The following MKLN1 variants were observed in gnomAD, a reference collection of about 807,000 sequenced individuals.
MKLN1 encodes muskelin 1, also known as muskelin.
In MKLN1, 18 loss-of-function variants were observed where a neutral mutation model predicts 99.0. The ratio of observed to expected loss-of-function variants is 0.18; its 90% CI spans 0.13 to 0.27. The LOEUF (loss-of-function observed/expected upper bound fraction) is 0.27. Among genes scored for constraint, MKLN1 ranks in the 10% least tolerant of loss-of-function variants. The probability of loss-of-function intolerance (pLI) is 1.00; values close to 1 mark genes in which losing one functional copy is unlikely to be tolerated. For missense variants in MKLN1, 621 were observed against 875.9 expected, an observed-to-expected ratio of 0.71 and a Z score of 3.67; for synonymous variants, 288 against 293.2, an observed-to-expected ratio of 0.98 and a Z score of 0.18.
At chr7:131,255,291 AG>A (rs1463578395) in intron 3 of MKLN1, among the ~76,000 whole-genome samples, 1 of 152,178 alleles carries the variant, frequency 6.6e-6, no homozygotes, top group Non-Finnish European at 1.5e-5. Context: ...AAGAAGTTCA[AG>A]TAACTCCAAA....
At chr7:131,245,977 G>A (rs7797598) in intron 3 of MKLN1, among the ~76,000 whole-genome samples, 1 of 152,160 alleles carries the variant, frequency 6.6e-6, no homozygotes, top group African/African-American at 2.4e-5. Context: ...CTGTGCACCT[G>A]TGATGGTCAA....
At chr7:131,331,658 TA>T (rs1379578424) in intron 1 of MKLN1, among the ~76,000 whole-genome samples, 1 of 152,174 alleles carries the variant, frequency 6.6e-6, no homozygotes, top group African/African-American at 2.4e-5. Context: ...ATGTAGGTGA[TA>T]AGGTTCTCAT....
intron 2 of MKLN1, among the ~76,000 whole-genome samples, chr7:131,177,105 C>T (rs1796309921): frequency 6.6e-6 from 1 of 152,182 alleles, no homozygotes; most frequent in African/African-American, 2.4e-5. Context: ...TTTCCAGCAT[C>T]TTTCTTTTGT....
At chr7:131,349,889 G>A (rs372706178) in intron 1 of MKLN1, among the ~76,000 whole-genome samples, 3 of 152,080 alleles carry the variant, frequency 2.0e-5, no homozygotes, top group Admixed American at 6.5e-5. Flanking sequence ...CCTAGTGGTC[G>A]CTCCATTCAT....
chr7:131,416,717 C>T (rs900819074), intron 8 of MKLN1, among the ~76,000 whole-genome samples: 2 of 151,878 alleles, frequency 1.3e-5, no homozygotes, highest in Admixed American at 1.3e-4. Flanking sequence ...GTGACTGTCT[C>T]GTGACTGTAG....
chr7:131,390,413 A>G (rs1031660154), intron 4 of MKLN1, among the ~76,000 whole-genome samples: 3 of 152,090 alleles, frequency 2.0e-5, no homozygotes, highest in African/African-American at 7.2e-5. Flanking sequence ...TAACAATTTT[A>G]TGATTTTATG....
Position 131,257,226 on chromosome 7 carries a change from A to C in MKLN1, c.-179+54252A>C, listed in dbSNP as rs180934284. Among the ~76,000 whole-genome samples, 3 of 152,304 alleles carry C rather than the reference A, an allele frequency of 2.0e-5. No individual in the cohort carries two copies. The East Asian group carries it at 5.8e-4, about 29-fold the overall frequency. On this transcript the variant is annotated intron_variant, in intron 3 of 7. Coordinates refer to the MKLN1 transcript ENST00000416992. ...AGGATATACTTATTCTAGATTATAG[A>C]ACATGCCTTAATACATTTAAAAGAT...
At chr7:131,396,251 T>G (rs1794356634) in intron 4 of MKLN1, among the ~76,000 whole-genome samples, 2 of 152,230 alleles carry the variant, frequency 1.3e-5, no homozygotes, top group South Asian at 4.1e-4. Context: ...TTTTCTATTT[T>G]TAGTGGAGAC....
intron 2 of MKLN1, among the ~76,000 whole-genome samples, chr7:131,195,387 T>G (rs1397958246): frequency 6.6e-6 from 1 of 151,928 alleles, no homozygotes; most frequent in Non-Finnish European, 1.5e-5. Context: ...GGCACGTGCC[T>G]GTAATCCCAG....
At chr7:131,363,493 C>T (rs112510660) in intron 1 of MKLN1, among the ~76,000 whole-genome samples, 1 of 151,994 alleles carries the variant, frequency 6.6e-6, no homozygotes, top group South Asian at 2.1e-4. Context: ...TAGGATACTT[C>T]TACAGTCCTC....
At chr7:131,316,823 A>G (rs944887478) in intron 3 of MKLN1, among the ~76,000 whole-genome samples, 2 of 152,190 alleles carry the variant, frequency 1.3e-5, no homozygotes, top group Non-Finnish European at 2.9e-5. Context: ...ACAAGTATCA[A>G]TAGCTGAAAC....
At chr7:131,144,781 C>T (rs1795793315) in intron 2 of MKLN1, among the ~76,000 whole-genome samples, 1 of 151,982 alleles carries the variant, frequency 6.6e-6, no homozygotes, top group African/African-American at 2.4e-5. Context: ...AGTTCAAGAC[C>T]AGCCTGACCA....
At chr7:131,445,090 A>G (rs1359531087) in intron 11 of MKLN1, among the ~76,000 whole-genome samples, 1 of 152,202 alleles carries the variant, frequency 6.6e-6, no homozygotes, top group Non-Finnish European at 1.5e-5. Context: ...TTTTCTGTTT[A>G]GGATTTAGAC....
At chr7:131,162,534 T>C (rs1367101643) in intron 2 of MKLN1, among the ~76,000 whole-genome samples, 2 of 152,182 alleles carry the variant, frequency 1.3e-5, no homozygotes, top group African/African-American at 2.4e-5. Context: ...AAACTTTGTT[T>C]CATGCACAAA....
At chr7:131,424,065 C>T (rs571404974) in intron 8 of MKLN1, among the ~76,000 whole-genome samples, 29 of 152,250 alleles carry the variant, frequency 1.9e-4, no homozygotes, top group Admixed American at 3.3e-4. Flanking sequence ...TATTTTTCCC[C>T]TCTTCAAAAA....
chr7:131,144,996 C>CACAACA (rs750299622), intron 2 of MKLN1, among the ~76,000 whole-genome samples: 4 of 151,734 alleles, frequency 2.6e-5, no homozygotes, highest in South Asian at 2.1e-4. Context: ...CAACAACAAC[C>CACAACA]ACAACAACAA....
Position 131,167,498 on chromosome 7 carries a change from CT to C in MKLN1, c.-297+24558del, listed in dbSNP as rs1796143346. Among the ~76,000 whole-genome samples the C allele has an allele frequency of 3.9e-5, 6 of 152,038 alleles. No individual in the cohort carries two copies. In the South Asian group the frequency reaches 1.2e-3, roughly 32 times the overall value. The stretch of plus-strand genomic sequence containing the variant: ...ACCAGCCTAGGGCAACATGGTGAGA[CT>C]CTGTCTCTATAAAATATAAAAAATT... On this transcript the variant is annotated intron_variant, in intron 2 of 7. Transcript: ENST00000416992.
At chr7:131,285,398 CT>C (rs758131532) in intron 3 of MKLN1, among the ~76,000 whole-genome samples, 2 of 152,316 alleles carry the variant, frequency 1.3e-5, no homozygotes, top group South Asian at 2.1e-4. Context: ...CACTTTCCCC[CT>C]GGTACTGCAT....
chr7:131,488,451 T>C lies in MKLN1; in HGVS notation c.*723T>C, dbSNP rs549016262. On this transcript the variant is annotated 3_prime_UTR_variant, in exon 18 of 18. Coordinates refer to ENST00000352689, the MANE Select transcript of MKLN1 (RefSeq NM_013255.5). ...ATAATGATATATTTTATAGTAGATATTACAATAGCATCTGACTTTGAGTCA... is the reference window on the plus strand; with the variant it reads ...ATAATGATATATTTTATAGTAGATACTACAATAGCATCTGACTTTGAGTCA... 6.6e-6 allele frequency: 1 copy of C among 152,656 alleles called. No individual in the cohort carries two copies. Among genetic ancestry groups the C allele is most frequent in the East Asian group, 1.9e-4 (1 of 5,184 alleles). 9.5% of individuals were successfully genotyped at this position (152,656 alleles called of 1,614,324 possible).
Sources: gnomAD v4.1 joint callset for allele counts (sites outside exome capture counted in the v4.1 genomes callset) on GRCh38, gnomAD v4.1.1 for gene constraint, MANE v1.5 for transcripts, NCBI Gene and HGNC (gene_info 2026-07-23, HGNC 2026-07-21) for gene names.